Variants in FRYL observed in about 807,000 individuals in gnomAD.
The protein encoded by FRYL is FRY like transcription coactivator, also known as protein furry homolog-like.
Under a neutral mutation model 351.2 loss-of-function variants are expected in FRYL, and 150 were observed. The observed-to-expected ratio is 0.43, with a 90% CI of 0.37 to 0.49. FRYL has a LOEUF of 0.49. Among genes scored for constraint, FRYL ranks in the 20% least tolerant of loss-of-function variants. The pLI, the probability that FRYL is intolerant of heterozygous loss-of-function variation, is 0.00. For missense variants in FRYL, 3,036 were observed against 3,619.3 expected, an observed-to-expected ratio of 0.84 and a Z score of 4.13; for synonymous variants, 1,153 against 1,257.1, an observed-to-expected ratio of 0.92 and a Z score of 1.75.
At chr4:48,648,663 G>A (rs1302386117) in intron 3 of FRYL, among the ~76,000 whole-genome samples, 1 of 152,070 alleles carries the variant, frequency 6.6e-6, no homozygotes, top group Non-Finnish European at 1.5e-5. Context: ...TTGAAGAATG[G>A]ATAAACAAAT....
At chr4:48,519,547 G>C (rs1050333383) in intron 55 of FRYL, among the ~76,000 whole-genome samples, 4 of 150,498 alleles carry the variant, frequency 2.7e-5, no homozygotes. Context: ...TCTGTTGCCA[G>C]GTTGGACTGC....
At chr4:48,641,729 C>T (rs1578481741) in intron 3 of FRYL, among the ~76,000 whole-genome samples, 1 of 152,148 alleles carries the variant, frequency 6.6e-6, no homozygotes. Flanking sequence ...TTTATTTCTT[C>T]CATAATTACC....
chr4:48,622,572 T>C (rs1750886021), intron 5 of FRYL, among the ~76,000 whole-genome samples: 1 of 152,156 alleles, frequency 6.6e-6, no homozygotes, highest in Non-Finnish European at 1.5e-5. Flanking sequence ...AAACTCTATT[T>C]CTGAGATATA....
intron 19 of FRYL, among the ~76,000 whole-genome samples, chr4:48,583,047 T>C (rs1480497088): frequency 1.3e-5 from 2 of 151,940 alleles, no homozygotes; most frequent in Non-Finnish European, 2.9e-5. Context: ...TGTATTGTTA[T>C]CTTATAATCA....
rs781191424 is a variant in FRYL, at chr4:48,515,143, G to A, written c.7822C>T (p.Pro2608Ser). 7 of 1,613,832 alleles carry A rather than the reference G, an allele frequency of 4.3e-6. No homozygotes were observed. ...LDLEETEMPE[P>S]LAPESYPESV... ...TCGGGGTAACTTTCAGGAGCTAGAG[G>A]CTCTGGCATTTCAGTTTCTTCTAAA... The change falls in exon 56 of 64, where the codon CCT becomes TCT. Residue 2608 changes from proline (P) to serine (S), a missense_variant. Transcript: ENST00000358350.
chr4:48,738,942 A>C lies in FRYL; in HGVS notation c.-383-28244T>G, dbSNP rs555719093. On this transcript the variant is annotated intron_variant, in intron 1 of 63. Coordinates refer to ENST00000358350, the MANE Select transcript of FRYL (RefSeq NM_015030.2). ...TCCAAAGTTTATGTGGAAAGACAAAAGACTTAGAATAGCCAACACAATATG... is the reference window on the plus strand; with the variant it reads ...TCCAAAGTTTATGTGGAAAGACAAACGACTTAGAATAGCCAACACAATATG... Among the ~76,000 whole-genome samples, 26 of 152,292 alleles carry C rather than the reference A, an allele frequency of 1.7e-4. 1 individual carries two copies. The South Asian group carries it at 5.4e-3, about 32-fold the overall frequency.
chr4:48,664,529 G>A (rs532295903), intron 3 of FRYL, among the ~76,000 whole-genome samples: 2 of 152,228 alleles, frequency 1.3e-5, no homozygotes, highest in South Asian at 2.1e-4. Flanking sequence ...CAGGCTTAGC[G>A]GACTCAGTAG....
Position 48,718,104 on chromosome 4 carries a change from T to C in FRYL, c.-383-7406A>G, listed in dbSNP as rs530317404. ...TTGTAGGGGAAAGGGGAGTCCTCTC[T>C]GGTACACCATCTTATTTTTATCCCA... On this transcript the variant is annotated intron_variant, in intron 1 of 63. Transcript: ENST00000358350. Among the ~76,000 whole-genome samples the C allele has an allele frequency of 7.9e-5, 12 of 151,746 alleles. 1 individual carries two copies. In the East Asian group the frequency reaches 9.7e-4, roughly 12 times the overall value.
At chr4:48,547,365 T>C (rs1731590732) in intron 41 of FRYL, 3 of 349,616 alleles carry the variant, frequency 8.6e-6, no homozygotes, top group African/African-American at 2.1e-5. Flanking sequence ...CTAAGTTAAA[T>C]CTCGATAAAG....
intron 49 of FRYL, among the ~76,000 whole-genome samples, chr4:48,532,248 A>G (rs1159730906): frequency 1.3e-5 from 2 of 152,180 alleles, no homozygotes; most frequent in Non-Finnish European, 1.5e-5. Context: ...CTTTGGCAGA[A>G]TTGGGTTATC....
intron 3 of FRYL, among the ~76,000 whole-genome samples, chr4:48,645,488 G>T (rs1186297080): frequency 6.6e-6 from 1 of 151,968 alleles, no homozygotes; most frequent in African/African-American, 2.4e-5. Flanking sequence ...AAACATATAA[G>T]AATTTGTCTG....
intron 1 of FRYL, among the ~76,000 whole-genome samples, chr4:48,763,822 A>T (rs1026713243): frequency 6.6e-6 from 1 of 152,200 alleles, no homozygotes; most frequent in Non-Finnish European, 1.5e-5. Context: ...TTTAACGTAT[A>T]TAATCTTATA....
At chr4:48,656,361 T>TATATAATATATACTAAATATATA (rs1400653995) in intron 3 of FRYL, among the ~76,000 whole-genome samples, 4 of 131,042 alleles carry the variant, frequency 3.1e-5, no homozygotes, top group Non-Finnish European at 4.7e-5. Flanking sequence ...CTAAATATAT[T>TATATAATATATACTAAATATATA]ATATAATATA....
chr4:48,624,871 ATAAG>A (rs1358823013), intron 4 of FRYL, among the ~76,000 whole-genome samples: 1 of 152,228 alleles, frequency 6.6e-6, no homozygotes, highest in Non-Finnish European at 1.5e-5. Flanking sequence ...TGACCTTCCC[ATAAG>A]TAAGAGGGAA....
At chr4:48,643,038 G>A (rs1488983507) in intron 3 of FRYL, among the ~76,000 whole-genome samples, 1 of 152,164 alleles carries the variant, frequency 6.6e-6, no homozygotes, top group East Asian at 1.9e-4. Flanking sequence ...CTCTTCCCCT[G>A]ATATAAATAT....
intron 2 of FRYL, among the ~76,000 whole-genome samples, chr4:48,698,941 A>T (rs1367837238): frequency 6.6e-6 from 1 of 152,158 alleles, no homozygotes; most frequent in Non-Finnish European, 1.5e-5. Context: ...CAAGTTAATT[A>T]AATACCCATA....
intron 1 of FRYL, among the ~76,000 whole-genome samples, chr4:48,729,020 A>C (rs1420780767): frequency 1.3e-5 from 2 of 152,224 alleles, no homozygotes; most frequent in East Asian, 3.8e-4. Flanking sequence ...TCTTGCCTAA[A>C]TACTGTGCTT....
chr4:48,632,113 T>TGTATATATATATATATATATAC (rs1753302464), intron 4 of FRYL, among the ~76,000 whole-genome samples: 1 of 40,842 alleles, frequency 2.4e-5, no homozygotes, highest in Non-Finnish European at 6.4e-5. Context: ...TATATATATA[T>TGTATATATATATATATATATAC]ATATATATAT....
At chr4:48,544,740 A>C (rs1450161916) in intron 43 of FRYL, 43 bp downstream of exon 43, 1 of 1,496,810 alleles carries the variant, frequency 6.7e-7, no homozygotes, top group Non-Finnish European at 9.0e-7. Context: ...AATTGACATC[A>C]CATTAAAATG....
Sources: gnomAD v4.1 joint callset for allele counts (sites outside exome capture counted in the v4.1 genomes callset) on GRCh38, gnomAD v4.1.1 for gene constraint, MANE v1.5 for transcripts, NCBI Gene and HGNC (gene_info 2026-07-23, HGNC 2026-07-21) for gene names.